The following ZMYM2 variants were observed in gnomAD, a reference collection of about 807,000 sequenced individuals.
The protein encoded by ZMYM2 is zinc finger MYM-type protein 2.
A neutral mutation model predicts 162.8 loss-of-function variants in ZMYM2; 56 were observed. The observed-to-expected ratio is 0.34, with a 90% CI of 0.28 to 0.43. The LOEUF (loss-of-function observed/expected upper bound fraction) is 0.43, where lower values mean the gene tolerates loss of function less well. Among genes scored for constraint, ZMYM2 ranks in the 20% least tolerant of loss-of-function variants. ZMYM2 has a pLI of 1.00. For missense variants in ZMYM2, 1,275 were observed against 1,621.8 expected (o/e 0.79, Z 3.67); for synonymous variants, 510 against 541.6 (o/e 0.94, Z 0.81).
intron 2 of ZMYM2, among the ~76,000 whole-genome samples, chr13:19,967,939 C>T (rs981172605): frequency 2.6e-5 from 4 of 152,090 alleles, no homozygotes; most frequent in Non-Finnish European, 4.4e-5. Context: ...CACCGACTTC[C>T]CTCTTCTGGC....
chr13:19,958,184 G>C (rs1685631423), upstream of ZMYM2, among the ~76,000 whole-genome samples: 1 of 151,476 alleles, frequency 6.6e-6, no homozygotes, highest in South Asian at 2.1e-4. Flanking sequence ...AAGCCCACTC[G>C]GACCCGCTCC....
At chr13:19,944,633 C>T in the ZMYM2 span, among the ~76,000 whole-genome samples, 1 of 152,200 alleles carries the variant, frequency 6.6e-6, no homozygotes, top group East Asian at 1.9e-4. Flanking sequence ...TCTTACTCCT[C>T]ACTGTGAATT....
chr13:19,950,771 C>T, the ZMYM2 span, among the ~76,000 whole-genome samples: 17 of 152,256 alleles, frequency 1.1e-4, no homozygotes, highest in Admixed American at 2.0e-4. Flanking sequence ...CACTAAATAA[C>T]GGTTGACAAT....
At chr13:20,009,402 C>T (rs760913909) in intron 6 of ZMYM2, among the ~76,000 whole-genome samples, 1 of 152,084 alleles carries the variant, frequency 6.6e-6, no homozygotes, top group Non-Finnish European at 1.5e-5. Context: ...GGTTTTTAAA[C>T]ATTGTGGTAG....
chr13:20,014,546 G>A (rs1951455496), intron 6 of ZMYM2, among the ~76,000 whole-genome samples: 1 of 152,040 alleles, frequency 6.6e-6, no homozygotes, highest in African/African-American at 2.4e-5. Flanking sequence ...TTTTACTTCA[G>A]GAATGCTGGT....
the ZMYM2 span, among the ~76,000 whole-genome samples, chr13:19,903,463 C>T: frequency 2.4e-3 from 287 of 118,214 alleles, 3 homozygotes; most frequent in African/African-American, 8.8e-3. Context: ...CATGGTGAAA[C>T]CCCATCTCCA....
intron 15 of ZMYM2, 48 bp downstream of exon 15, chr13:20,058,752 A>G (rs1000508235): frequency 6.2e-7 from 1 of 1,600,164 alleles, no homozygotes; most frequent in East Asian, 2.2e-5. Flanking sequence ...CCTTCATCTC[A>G]CCTAATGAAA....
At chr13:19,907,833 G>A in the ZMYM2 span, among the ~76,000 whole-genome samples, 6 of 145,010 alleles carry the variant, frequency 4.1e-5, no homozygotes, top group Non-Finnish European at 9.1e-5. Context: ...CGAAAAAAAG[G>A]TAAAGTCTAT....
the ZMYM2 span, among the ~76,000 whole-genome samples, chr13:19,944,888 C>G: frequency 6.6e-6 from 1 of 152,082 alleles, no homozygotes; most frequent in East Asian, 1.9e-4. Context: ...CCAGGCTGGT[C>G]TCAAACTCCT....
chr13:19,966,842 A>G (rs569049012), intron 2 of ZMYM2, among the ~76,000 whole-genome samples: 1 of 152,318 alleles, frequency 6.6e-6, no homozygotes, highest in South Asian at 2.1e-4. Context: ...TAACTTTACT[A>G]TGAATATTGT....
chr13:20,066,724 C>A, intron 19 of ZMYM2, 127 bp from the exon 20 acceptor site: 2 of 854,722 alleles, frequency 2.3e-6, no homozygotes, highest in Non-Finnish European at 3.3e-6. Context: ...AAGTGGACCC[C>A]TGCAGTTCAA....
chr13:19,958,890 G>A (rs1369570137), intron 1 of ZMYM2, 49 bp downstream of exon 1: 1 of 152,680 alleles, frequency 6.5e-6, no homozygotes, highest in African/African-American at 2.4e-5. Flanking sequence ...CCGAGAGTGG[G>A]GGTGGCTGGG....
chr13:19,926,321 G>T, the ZMYM2 span, among the ~76,000 whole-genome samples: 3 of 141,668 alleles, frequency 2.1e-5, no homozygotes, highest in Admixed American at 7.0e-5. Context: ...AGGATGTATT[G>T]TTTTTTGCGG....
the ZMYM2 span, among the ~76,000 whole-genome samples, chr13:19,942,691 C>T: frequency 6.6e-6 from 1 of 151,874 alleles, no homozygotes; most frequent in Non-Finnish European, 1.5e-5. Context: ...GCCTGAGCTA[C>T]AGGGAGAGAT....
rs1950488031 is a variant in ZMYM2 at position 20,002,724 on chromosome 13, T to C, written c.848-126T>C. 3 of 1,208,264 alleles carry C rather than the reference T, an allele frequency of 2.5e-6. No homozygotes were observed. The South Asian group carries it at 4.7e-5, about 19-fold the overall frequency. The allele number at this position is 1,208,264 out of a possible 1,614,324, so 74.8% of individuals were successfully genotyped here. On this transcript the variant is annotated intron_variant, in intron 3 of 24. Transcript: ENST00000610343. ...ACTTGTGCTATATACCTCTCTGCTA[T>C]GTTGCTGTTCCATTAACATCTTAAA...
chr13:20,056,555 A>G (rs998476284), intron 14 of ZMYM2, among the ~76,000 whole-genome samples: 1 of 152,160 alleles, frequency 6.6e-6, no homozygotes, highest in Non-Finnish European at 1.5e-5. Flanking sequence ...ACCACCATGG[A>G]TAGACTCCTG....
At chr13:19,904,201 T>TG in the ZMYM2 span, among the ~76,000 whole-genome samples, 97,914 of 151,870 alleles carry the variant, frequency 0.64, 35,008 homozygotes, top group East Asian at 0.88. Flanking sequence ...ATTTTTTTTT[T>TG]AATCATCTTT....
At chr13:19,884,476 G>A in the ZMYM2 span, among the ~76,000 whole-genome samples, 32 of 152,076 alleles carry the variant, frequency 2.1e-4, no homozygotes, top group African/African-American at 7.2e-5. Flanking sequence ...TACTCGGGAG[G>A]CCGAGGCAGG....
At chr13:19,885,828 C>T in the ZMYM2 span, among the ~76,000 whole-genome samples, 1 of 127,806 alleles carries the variant, frequency 7.8e-6, no homozygotes, top group Admixed American at 8.8e-5. Flanking sequence ...GCCTGGGCAA[C>T]AAGAGTGAAA....
Sources: gnomAD v4.1 joint callset for allele counts (sites outside exome capture counted in the v4.1 genomes callset) on GRCh38, gnomAD v4.1.1 for gene constraint, MANE v1.5 for transcripts, NCBI Gene and HGNC (gene_info 2026-07-23, HGNC 2026-07-21) for gene names.